DLG5: variants seen among roughly 807,000 people sequenced by gnomAD.
DLG5 encodes discs large MAGUK scaffold protein 5.
In DLG5, 48 loss-of-function variants were observed where a neutral mutation model predicts 189.8. That is an observed-to-expected ratio of 0.25 (90% CI 0.20 to 0.32). The LOEUF is 0.32. Among genes scored for constraint, DLG5 ranks in the 10% least tolerant of loss-of-function variants. The pLI, the probability that DLG5 is intolerant of heterozygous loss-of-function variation, is 1.00. For missense variants in DLG5, 2,160 were observed against 2,544.7 expected, an observed-to-expected ratio of 0.85 and a Z score of 3.25; for synonymous variants, 1,016 against 1,054.1, an observed-to-expected ratio of 0.96 and a Z score of 0.70.
intron 1 of DLG5, among the ~76,000 whole-genome samples, chr10:77,923,564 T>C (rs993371440): frequency 6.6e-6 from 1 of 152,104 alleles, no homozygotes; most frequent in Admixed American, 6.6e-5. Context: ...TTCGAGACCA[T>C]CCTAGACAAC....
At chr10:77,876,050 C>G (rs1198609355) in intron 1 of DLG5, among the ~76,000 whole-genome samples, 1 of 152,044 alleles carries the variant, frequency 6.6e-6, no homozygotes, top group Non-Finnish European at 1.5e-5. Context: ...TTATATGCCA[C>G]CCGAGGGTGG....
chr10:77,873,037 A>ATG (rs1564567206), intron 1 of DLG5, among the ~76,000 whole-genome samples: 9 of 145,534 alleles, frequency 6.2e-5, no homozygotes, highest in African/African-American at 1.9e-4. Context: ...GTGTGCACAC[A>ATG]CACACACACA....
intron 9 of DLG5, among the ~76,000 whole-genome samples, chr10:77,832,324 C>T (rs370257969): frequency 6.6e-6 from 1 of 152,262 alleles, no homozygotes; most frequent in Non-Finnish European, 1.5e-5. Context: ...CTGTGACACC[C>T]TTCCTGAAAT....
intron 1 of DLG5, among the ~76,000 whole-genome samples, chr10:77,879,057 G>A (rs748442372): frequency 1.1e-4 from 16 of 152,196 alleles, no homozygotes; most frequent in Admixed American, 7.2e-4. Flanking sequence ...TGACAGGGGC[G>A]GGGGAGAAAT....
chr10:77,816,291 T>C (rs571262448), intron 20 of DLG5: 136 of 691,028 alleles, frequency 2.0e-4, no homozygotes, highest in African/African-American at 8.6e-4. Context: ...AATGGTGCCA[T>C]GATGGCACGA....
the DLG5 span, among the ~76,000 whole-genome samples, chr10:77,934,579 G>A: frequency 2.5e-4 from 38 of 152,052 alleles, no homozygotes; most frequent in Non-Finnish European, 1.2e-4. Flanking sequence ...GCTCTGAGAT[G>A]GAGGGGCCCA....
At chr10:77,904,099 T>C (rs1362512743) in intron 1 of DLG5, among the ~76,000 whole-genome samples, 1 of 152,110 alleles carries the variant, frequency 6.6e-6, no homozygotes, top group Non-Finnish European at 1.5e-5. Context: ...GAGGATAACT[T>C]GAGTCCAAGA....
At chr10:77,914,183 A>G (rs1478286971) in intron 1 of DLG5, among the ~76,000 whole-genome samples, 2 of 152,208 alleles carry the variant, frequency 1.3e-5, no homozygotes, top group African/African-American at 4.8e-5. Flanking sequence ...TCAGGACCAA[A>G]GAATTGTGAA....
chr10:77,855,777 C>A (rs2154576734), intron 3 of DLG5, among the ~76,000 whole-genome samples: 1 of 152,286 alleles, frequency 6.6e-6, no homozygotes, highest in African/African-American at 2.4e-5. Context: ...AGGCATAGAC[C>A]CTTACTCCTG....
chr10:77,795,960 G>A, intron 29 of DLG5, 101 bp downstream of exon 29: 1 of 1,548,840 alleles, frequency 6.5e-7, no homozygotes, highest in Non-Finnish European at 8.9e-7. Context: ...CTCACTGAAG[G>A]TCTGAGCCGC....
In DLG5 at chr10:77,856,724, T is replaced by C. The variant is rs1302026729; in HGVS notation, c.536+6A>G. ...GCCTGGGCAGGGGAGACGGCGCAAT[T>C]ACTACCTCTTGTCAAAGGCCGTGCC... On this transcript the variant is annotated splice_donor_region_variant and intron_variant, in intron 3 of 31. Coordinates refer to ENST00000372391, the MANE Select transcript of DLG5 (RefSeq NM_004747.4). The C allele has an allele frequency of 3.7e-6, 6 of 1,611,748 alleles. No homozygotes were observed. The African/African-American group carries it at 4.0e-5, about 11-fold the overall frequency.
At chr10:77,935,949 A>C in the DLG5 span, among the ~76,000 whole-genome samples, 2 of 152,192 alleles carry the variant, frequency 1.3e-5, no homozygotes, top group East Asian at 3.8e-4. Context: ...TGAAAATGGA[A>C]TTCTATTTAG....
At chr10:77,863,163 C>T (rs1279054145) in intron 2 of DLG5, among the ~76,000 whole-genome samples, 2 of 152,176 alleles carry the variant, frequency 1.3e-5, no homozygotes, top group African/African-American at 2.4e-5. Context: ...ACAATCAAGG[C>T]TCACTACAAC....
chr10:77,795,171 G>A (rs1840845860), intron 29 of DLG5, among the ~76,000 whole-genome samples: 2 of 152,202 alleles, frequency 1.3e-5, no homozygotes, highest in Non-Finnish European at 2.9e-5. Context: ...CCAGGGCTTA[G>A]GGGGCTAGGG....
At chr10:77,793,707 G>A in intron 31 of DLG5, 2 of 400,686 alleles carry the variant, frequency 5.0e-6, no homozygotes, top group South Asian at 5.6e-5. Flanking sequence ...TGGGGACACT[G>A]TGGCTGCACT....
the DLG5 span, among the ~76,000 whole-genome samples, chr10:77,939,388 C>G: frequency 6.6e-6 from 1 of 152,176 alleles, no homozygotes; most frequent in South Asian, 2.1e-4. Flanking sequence ...CCAGAAACAG[C>G]TGGCTAGAAG....
At chr10:77,847,456 A>G (rs1843751442) in intron 5 of DLG5, among the ~76,000 whole-genome samples, 1 of 152,216 alleles carries the variant, frequency 6.6e-6, no homozygotes, top group South Asian at 2.1e-4. Context: ...GCAGGCCCCA[A>G]ACACTTCTCA....
chr10:77,921,442 G>A (rs1275570641), intron 1 of DLG5, among the ~76,000 whole-genome samples: 1 of 151,970 alleles, frequency 6.6e-6, no homozygotes, highest in Non-Finnish European at 1.5e-5. Flanking sequence ...ATTCCCTTGG[G>A]GAAAAAAAAC....
At chr10:77,819,282 C>T (rs753702849) in intron 17 of DLG5, 39 bp downstream of exon 17, 1 of 1,613,056 alleles carries the variant, frequency 6.2e-7, no homozygotes, top group South Asian at 1.1e-5. Context: ...CAGGCTTGGG[C>T]AGCTGGAGTA....
Sources: gnomAD v4.1 joint callset for allele counts (sites outside exome capture counted in the v4.1 genomes callset) on GRCh38, gnomAD v4.1.1 for gene constraint, MANE v1.5 for transcripts, NCBI Gene and HGNC (gene_info 2026-07-23, HGNC 2026-07-21) for gene names.